MYO9A: variants seen among roughly 807,000 people sequenced by gnomAD.
MYO9A encodes the protein myosin IXA.
In MYO9A, 103 loss-of-function variants were observed where a neutral mutation model predicts 293.3. The ratio of observed to expected loss-of-function variants is 0.35; its 90% CI spans 0.30 to 0.41. The LOEUF (loss-of-function observed/expected upper bound fraction) is 0.41. Ranked by LOEUF, MYO9A falls within the 10% of genes least tolerant of loss-of-function variation. The pLI, the probability that MYO9A is intolerant of heterozygous loss-of-function variation, is 1.00. For missense variants in MYO9A, 2,685 were observed against 3,033.0 expected (o/e 0.89, Z 2.69); for synonymous variants, 1,001 against 1,035.7 (o/e 0.97, Z 0.64).
At chr15:71,880,107 T>C (rs191754114) in intron 29 of MYO9A, among the ~76,000 whole-genome samples, 1 of 152,244 alleles carries the variant, frequency 6.6e-6, no homozygotes, top group East Asian at 1.9e-4. Context: ...CATATGAAAT[T>C]TGACAATTTT....
rs748414637 is a variant in MYO9A at position 72,032,563 on chromosome 15, T to C, written c.866A>G (p.His289Arg). Reference sequence around the variant, plus strand: ...CCCAAAACGACTTGAATTGTTATTATGAGCTGTCTTTGCATTTCCAAAGGC... The same window carrying C: ...CCCAAAACGACTTGAATTGTTATTACGAGCTGTCTTTGCATTTCCAAAGGC... ...LEAFGNAKTA[H>R]NNNSSRFGKF... Residue 289 changes from histidine (H) to arginine (R), a missense_variant, in exon 3 of 42, where the codon CAT becomes CGT. By Grantham distance (29) the His-to-Arg change is conservative (BLOSUM62 0). Around this residue, in one of 10 missense-constraint regions of MYO9A, gnomAD observed 289 missense variants for 456.8 expected, o/e 0.63. Transcript: ENST00000356056. The C allele has an allele frequency of 7.5e-6, 12 of 1,605,458 alleles. No homozygotes were observed. In the East Asian group the frequency reaches 1.1e-4, roughly 15 times the overall value.
intron 2 of MYO9A, among the ~76,000 whole-genome samples, chr15:72,037,754 C>T (rs142468537): frequency 5.9e-4 from 90 of 152,100 alleles, no homozygotes; most frequent in African/African-American, 2.1e-3. Context: ...GGTGCCACAT[C>T]ATTATTATTA....
intron 8 of MYO9A, among the ~76,000 whole-genome samples, chr15:72,000,932 C>G (rs1032268714): frequency 2.6e-5 from 4 of 152,058 alleles, no homozygotes; most frequent in Non-Finnish European, 5.9e-5. Context: ...GAAAATAAAC[C>G]ACAATGAATA....
chr15:72,016,771 G>C (rs529563571), intron 6 of MYO9A, among the ~76,000 whole-genome samples: 1 of 152,270 alleles, frequency 6.6e-6, no homozygotes, highest in South Asian at 2.1e-4. Flanking sequence ...ATGATTAAGG[G>C]AAGAGGAGAT....
In MYO9A at chr15:71,826,400, C is replaced by A; in HGVS notation, c.*180G>T. 1.7e-6 allele frequency: 1 copy of A among 599,138 alleles called. No homozygotes were observed. The highest frequency in any genetic ancestry group is 2.8e-6 in the Non-Finnish European group (1 of 360,656). The allele number at this position is 599,138 out of a possible 1,614,324, so 37.1% of individuals were successfully genotyped here. ...AAGGCACAGCTGGCACCATCCCCAGCAGGCTTTCTGCTTCTGCAGGAGGCC... is the reference window on the plus strand; with the variant it reads ...AAGGCACAGCTGGCACCATCCCCAGAAGGCTTTCTGCTTCTGCAGGAGGCC... On this transcript the variant is annotated 3_prime_UTR_variant, in exon 42 of 42. Coordinates refer to ENST00000356056, the MANE Select transcript of MYO9A (RefSeq NM_006901.4).
intron 1 of MYO9A, among the ~76,000 whole-genome samples, chr15:72,098,130 C>A (rs958531489): frequency 6.6e-6 from 1 of 152,012 alleles, no homozygotes; most frequent in Admixed American, 6.6e-5. Context: ...TTTCCCTATG[C>A]TTCCTCCTCC....
chr15:72,041,463 A>G lies in MYO9A; in HGVS notation c.840+4261T>C, dbSNP rs188826670. The G allele has an allele frequency of 7.1e-4, 254 of 358,992 alleles. 1 individual carries two copies. Among genetic ancestry groups the G allele is most frequent in the African/African-American group, 4.9e-3 (228 of 46,518 alleles). 22.2% of individuals were successfully genotyped at this position (358,992 alleles called of 1,614,324 possible). On this transcript the variant is annotated intron_variant, in intron 2 of 41. Transcript: ENST00000356056. ...ATCTTCTTCTTCTTTTTTTCCCATG[A>G]AAACAGCAATTCCAACAAGGTGAAC...
chr15:71,982,003 GA>G (rs2076284189), intron 11 of MYO9A, among the ~76,000 whole-genome samples: 1 of 100,496 alleles, frequency 1.0e-5, no homozygotes, highest in African/African-American at 3.9e-5. Context: ...AGCCTATTTA[GA>G]ATTTTTTTTT....
Position 71,852,983 on chromosome 15 carries a change from G to C in MYO9A, c.6347-723C>G, listed in dbSNP as rs554781552. Among the ~76,000 whole-genome samples the C allele has an allele frequency of 1.1e-4, 16 of 152,298 alleles. No individual in the cohort carries two copies. The South Asian group carries it at 3.1e-3, about 30-fold the overall frequency. ...GTGGTGGCACACGCCTATAATCCCA[G>C]CTACTTGGGAGGCTGAGGCAGAATT... On this transcript the variant is annotated intron_variant, in intron 35 of 41. Transcript: ENST00000356056.
intron 14 of MYO9A, among the ~76,000 whole-genome samples, chr15:71,956,322 AAAAAAAAAATAT>A (rs1273820809): frequency 1.9e-4 from 3 of 15,892 alleles, no homozygotes; most frequent in African/African-American, 4.3e-4. Context: ...AAAAAAAAAA[AAAAAAAAAATAT>A]ATATATATAT....
At chr15:72,049,932 C>T (rs2078503556) in intron 1 of MYO9A, among the ~76,000 whole-genome samples, 1 of 152,158 alleles carries the variant, frequency 6.6e-6, no homozygotes, top group Non-Finnish European at 1.5e-5. Flanking sequence ...TATGGCAGCC[C>T]TGGAAGTAAA....
intron 19 of MYO9A, among the ~76,000 whole-genome samples, chr15:71,905,263 T>C (rs1464844711): frequency 6.6e-6 from 1 of 152,188 alleles, no homozygotes; most frequent in Non-Finnish European, 1.5e-5. Flanking sequence ...CAATCAAATA[T>C]AGAATTTTTT....
At chr15:72,072,753 G>A (rs1413338098) in intron 1 of MYO9A, among the ~76,000 whole-genome samples, 2 of 152,118 alleles carry the variant, frequency 1.3e-5, no homozygotes, top group African/African-American at 2.4e-5. Context: ...AGGAGTGTGA[G>A]GAGGGGAGGA....
chr15:71,851,332 G>T lies in MYO9A; in HGVS notation c.6502C>A (p.Arg2168Ser), dbSNP rs766647949. ...MGLQERKETI[R>S]GVYSVIDQLS... ...TGATCAATCACAGAGTATACACCAC[G>T]GATTGTCTCCTTCCTCTCCTGAAGG... The change falls in exon 37 of 42, where the codon CGT becomes AGT. Residue 2168 changes from arginine (R) to serine (S), a missense_variant. Physicochemically the swap from Arg to Ser is moderately radical, Grantham distance 110. Around this residue, in one of 10 missense-constraint regions of MYO9A, gnomAD observed 238 missense variants for 269.1 expected, o/e 0.88. Transcript: ENST00000356056. 2 of 1,613,580 alleles carry T rather than the reference G, an allele frequency of 1.2e-6. No homozygotes were observed. Among genetic ancestry groups the T allele is most frequent in the Non-Finnish European group, 1.7e-6 (2 of 1,179,692 alleles).
At chr15:72,098,286 G>A (rs1009693423) in intron 1 of MYO9A, among the ~76,000 whole-genome samples, 1 of 151,514 alleles carries the variant, frequency 6.6e-6, no homozygotes, top group Non-Finnish European at 1.5e-5. Flanking sequence ...AAAGTTTCAT[G>A]GAAAAACCCA....
At chr15:72,068,641 A>C (rs1323837473) in intron 1 of MYO9A, among the ~76,000 whole-genome samples, 1 of 151,318 alleles carries the variant, frequency 6.6e-6, no homozygotes, top group African/African-American at 2.4e-5. Flanking sequence ...AATTTTTTTT[A>C]TTTTTATTTT....
At chr15:72,090,655 T>TG (rs1174301063) in intron 1 of MYO9A, among the ~76,000 whole-genome samples, 41 of 152,210 alleles carry the variant, frequency 2.7e-4, no homozygotes, top group African/African-American at 9.2e-4. Context: ...TTAAAGACTC[T>TG]GGGGTTTTTT....
rs1437004084 is a variant in MYO9A, at chr15:71,834,394, CAGAATTAAAAAAGAAACTAT to C, written c.6838-4103_6838-4084del. 3.3e-5 allele frequency among the ~76,000 whole-genome samples: 5 copies of C among 152,004 alleles called. No homozygotes were observed. In the East Asian group the frequency reaches 9.6e-4, roughly 29 times the overall value. The stretch of plus-strand genomic sequence containing the variant: ...GAAGAAGAAATAACAAATTCTTCCA[CAGAATTAAAAAAGAAACTAT>C]TCCCTAACTTGTCTTTAGAGGCAGG... On this transcript the variant is annotated intron_variant, in intron 39 of 41. Coordinates refer to ENST00000356056, the MANE Select transcript of MYO9A (RefSeq NM_006901.4).
intron 1 of MYO9A, among the ~76,000 whole-genome samples, chr15:72,060,719 TA>T (rs1252510689): frequency 6.6e-6 from 1 of 152,206 alleles, no homozygotes; most frequent in African/African-American, 2.4e-5. Context: ...CATGGCAAGC[TA>T]AAGTACTCTG....
Sources: gnomAD v4.1 joint callset for allele counts (sites outside exome capture counted in the v4.1 genomes callset) on GRCh38, gnomAD v4.1.1 for gene constraint, gnomAD v4.1.1 regional missense constraint, MANE v1.5 for transcripts, NCBI Gene and HGNC (gene_info 2026-07-23, HGNC 2026-07-21) for gene names.